The following C12orf75 variants were observed in gnomAD, a reference collection of about 807,000 sequenced individuals.
The protein encoded by C12orf75 is overexpressed in colon carcinoma 1 protein.
C12orf75 carries 4 observed loss-of-function variants against 11.4 expected under a neutral mutation model. The observed-to-expected ratio is 0.35, with a 90% CI of 0.17 to 0.80. The LOEUF is 0.80. Ranked by LOEUF, C12orf75 falls within the 30% of genes least tolerant of loss-of-function variation. The pLI, the probability that C12orf75 is intolerant of heterozygous loss-of-function variation, is 0.52. For synonymous variants in C12orf75, 30 were observed against 30.0 expected (o/e 1.00, Z 0.00); for missense variants, 89 against 80.4 (o/e 1.11, Z -0.41).
chr12:105,355,811 C>T (rs1318196031), intron 2 of C12orf75, among the ~76,000 whole-genome samples: 1 of 151,980 alleles, frequency 6.6e-6, no homozygotes, highest in Non-Finnish European at 1.5e-5. Flanking sequence ...ATTTTTACAA[C>T]CAATTCTGAA....
At chr12:105,353,988 A>C (rs1177758003) in intron 2 of C12orf75, among the ~76,000 whole-genome samples, 1 of 152,170 alleles carries the variant, frequency 6.6e-6, no homozygotes, top group African/African-American at 2.4e-5. Flanking sequence ...GAAATGATAA[A>C]TCTTTTATGT....
At chr12:105,342,024 A>G (rs1361259800) in intron 1 of C12orf75, among the ~76,000 whole-genome samples, 1 of 152,218 alleles carries the variant, frequency 6.6e-6, no homozygotes, top group African/African-American at 2.4e-5. Flanking sequence ...CTGTGAGTCA[A>G]TTAAGCATGT....
At chr12:105,358,610 T>C (rs1312473360) in intron 2 of C12orf75, among the ~76,000 whole-genome samples, 1 of 152,230 alleles carries the variant, frequency 6.6e-6, no homozygotes, top group Non-Finnish European at 1.5e-5. Flanking sequence ...TATTTCAGTC[T>C]TACATTTTTT....
intron 2 of C12orf75, among the ~76,000 whole-genome samples, chr12:105,349,925 A>T (rs182676878): frequency 7.2e-5 from 11 of 152,296 alleles, no homozygotes; most frequent in African/African-American, 2.2e-4. Context: ...TATTACAAAG[A>T]ATTTAGAGAA....
intron 5 of C12orf75, among the ~76,000 whole-genome samples, chr12:105,367,981 A>G (rs1029663518): frequency 6.6e-6 from 1 of 152,218 alleles, no homozygotes; most frequent in Admixed American, 6.5e-5. Flanking sequence ...CAAACACTTA[A>G]TATTGATTCT....
chr12:105,365,611 G>A (rs987435667), intron 2 of C12orf75, among the ~76,000 whole-genome samples, 196 bp from the exon 3 acceptor site: 5 of 152,214 alleles, frequency 3.3e-5, no homozygotes, highest in African/African-American at 7.2e-5. Flanking sequence ...AAGTTTTAAC[G>A]TATGAATGAT....
intron 2 of C12orf75, among the ~76,000 whole-genome samples, chr12:105,357,520 T>C (rs1892798396): frequency 6.6e-6 from 1 of 152,100 alleles, no homozygotes; most frequent in Non-Finnish European, 1.5e-5. Flanking sequence ...ACGTTGAAAG[T>C]GGGGAGAATA....
At chr12:105,331,068 C>G in intron 1 of C12orf75, 131 bp downstream of exon 1, 6 of 558,340 alleles carry the variant, frequency 1.1e-5, no homozygotes, top group Middle Eastern at 5.5e-4. Context: ...AGGAGCAGAC[C>G]GCCCGTTTCT....
intron 1 of C12orf75, among the ~76,000 whole-genome samples, chr12:105,346,498 T>A (rs1459559000): frequency 6.6e-6 from 1 of 152,230 alleles, no homozygotes; most frequent in Non-Finnish European, 1.5e-5. Flanking sequence ...ACTCTACTGT[T>A]GGCAGTTTTT....
intron 5 of C12orf75, 139 bp from the exon 6 acceptor site, chr12:105,370,495 A>C (rs1027192758): frequency 1.4e-5 from 6 of 424,312 alleles, no homozygotes; most frequent in Non-Finnish European, 2.9e-5. Flanking sequence ...CCTAAGTCTT[A>C]AATTAATATT....
chr12:105,334,531 C>T (rs1239858335), intron 1 of C12orf75, among the ~76,000 whole-genome samples: 1 of 152,176 alleles, frequency 6.6e-6, no homozygotes, highest in Non-Finnish European at 1.5e-5. Flanking sequence ...ATCACTCTCT[C>T]AAGGTAGGAA....
At chr12:105,348,573 A>G (rs1434182735) in intron 1 of C12orf75, 29 bp from the exon 2 acceptor site, 6 of 1,507,752 alleles carry the variant, frequency 4.0e-6, no homozygotes, top group South Asian at 2.5e-5. Context: ...TATCACACCA[A>G]TACAAACCTA....
intron 1 of C12orf75, among the ~76,000 whole-genome samples, chr12:105,341,014 G>C (rs1490669137): frequency 2.0e-5 from 3 of 152,194 alleles, no homozygotes; most frequent in African/African-American, 7.2e-5. Context: ...AGATCTATGA[G>C]TGCATAGATT....
chr12:105,330,706 G>GC lies in C12orf75; in HGVS notation c.-183dup. On this transcript the variant is annotated 5_prime_UTR_variant, in exon 1 of 6. Coordinates refer to ENST00000443585, the MANE Select transcript of C12orf75 (RefSeq NM_001145199.2). ...GGTGCCGGGTGGTTTCCGCCCGGCA[G>GC]CCCGCAGCCCGCTGCGCCCCGGGCC... The GC allele has an allele frequency of 2.3e-6, 1 of 435,608 alleles. No homozygotes were observed. 27.0% of individuals were successfully genotyped at this position (435,608 alleles called of 1,614,324 possible).
At chr12:105,359,600 G>A (rs1207120767) in intron 2 of C12orf75, among the ~76,000 whole-genome samples, 6 of 151,944 alleles carry the variant, frequency 3.9e-5, no homozygotes, top group East Asian at 1.9e-4. Context: ...GTGAGACCCC[G>A]TCTGTACTAA....
At chr12:105,357,029 G>A (rs1296192666) in intron 2 of C12orf75, among the ~76,000 whole-genome samples, 2 of 152,212 alleles carry the variant, frequency 1.3e-5, no homozygotes, top group African/African-American at 2.4e-5. Context: ...AGCAGCCACA[G>A]AGACATGGTC....
intron 1 of C12orf75, among the ~76,000 whole-genome samples, chr12:105,331,591 A>AACACACACACACAC (rs71440581): frequency 4.4e-4 from 65 of 149,290 alleles, no homozygotes; most frequent in African/African-American, 1.6e-3. Context: ...CTTTTCATTA[A>AACACACACACACAC]ACACACACAC....
chr12:105,334,298 C>G (rs932640259), intron 1 of C12orf75, among the ~76,000 whole-genome samples: 1 of 152,252 alleles, frequency 6.6e-6, no homozygotes, highest in African/African-American at 2.4e-5. Flanking sequence ...AACTTTGTTG[C>G]TCTTGAGAAA....
rs1871620411 is a variant in C12orf75 at position 105,371,299 on chromosome 12, G to A, written c.*699G>A. On this transcript the variant is annotated 3_prime_UTR_variant, in exon 6 of 6. Transcript: ENST00000443585. ...TTTTATTTTCTTTCGTGAAAGGCAT[G>A]TGCAACTACAAATACTTCATAGCTG... The A allele has an allele frequency of 6.6e-6, 1 of 152,376 alleles. No homozygotes were observed. Among genetic ancestry groups the A allele is most frequent in the Non-Finnish European group, 1.5e-5 (1 of 68,176 alleles). 9.4% of individuals were successfully genotyped at this position (152,376 alleles called of 1,614,324 possible).
Sources: gnomAD v4.1 joint callset for allele counts (sites outside exome capture counted in the v4.1 genomes callset) on GRCh38, gnomAD v4.1.1 for gene constraint, MANE v1.5 for transcripts, NCBI Gene and HGNC (gene_info 2026-07-23, HGNC 2026-07-21) for gene names.